Variants in CTNNBIP1 observed in about 807,000 individuals in gnomAD.
CTNNBIP1 encodes the protein beta-catenin-interacting protein 1.
Under a neutral mutation model 11.8 loss-of-function variants are expected in CTNNBIP1, and 7 were observed. The observed-to-expected ratio is 0.60, with a 90% CI of 0.34 to 1.12. The LOEUF (loss-of-function observed/expected upper bound fraction) is 1.12, where lower values mean the gene tolerates loss of function less well. Among genes scored for constraint, CTNNBIP1 ranks in the 50% most tolerant of loss-of-function variants. CTNNBIP1 has a pLI of 0.03. For missense variants in CTNNBIP1, 101 were observed against 113.4 expected (o/e 0.89, Z 0.50); for synonymous variants, 58 against 43.9 (o/e 1.32, Z -1.26).
At chr1:9,864,361 C>T (rs960550770) in intron 5 of CTNNBIP1, among the ~76,000 whole-genome samples, 4 of 152,230 alleles carry the variant, frequency 2.6e-5, no homozygotes, top group African/African-American at 9.6e-5. Flanking sequence ...CCGAGTCTCG[C>T]TCTGTCGCCC....
In CTNNBIP1 at chr1:9,871,866, C is replaced by T. The variant is rs1364788315; in HGVS notation, c.96+103G>A. 4.0e-6 allele frequency: 4 copies of T among 1,005,408 alleles called. No individual in the cohort carries two copies. The allele number at this position is 1,005,408 out of a possible 1,614,324, so 62.3% of individuals were successfully genotyped here. ...GGCCCCTCCTCAGCCCGTGGCTCCG[C>T]AGGAGGCAGCCGCAGTGGCTCCACC... On this transcript the variant is annotated intron_variant, in intron 4 of 5. Coordinates refer to ENST00000377263, the MANE Select transcript of CTNNBIP1 (RefSeq NM_020248.3). This position sits in a 1 kb window ranked among gnomAD's most constrained non-coding sequence, Gnocchi z 5.2.
At chr1:9,881,322 C>A (rs913949462) in intron 2 of CTNNBIP1, among the ~76,000 whole-genome samples, 1 of 144,566 alleles carries the variant, frequency 6.9e-6, no homozygotes, top group African/African-American at 2.6e-5. Flanking sequence ...CCACACCCAG[C>A]CTTGAAATTT....
chr1:9,877,055 C>A (rs61785592), intron 3 of CTNNBIP1, among the ~76,000 whole-genome samples: 6,387 of 152,290 alleles, frequency 0.042, 467 homozygotes, highest in African/African-American at 0.14. Context: ...CTGTAAGAGG[C>A]ACGCTCAGAT....
chr1:9,879,692 C>A lies in CTNNBIP1; in HGVS notation c.-109-1703G>T, dbSNP rs938470527. On this transcript the variant is annotated intron_variant, in intron 2 of 5. Transcript: ENST00000377263. ...TTCCACCCAAGTCCCCACATTCTTT[C>A]AAAAAGAGATGAAAAGAGTGAAAAG... 2.0e-4 allele frequency among the ~76,000 whole-genome samples: 31 copies of A among 152,156 alleles called. 1 individual carries two copies. The highest frequency in any genetic ancestry group is 7.0e-4 in the African/African-American group (29 of 41,422).
intron 3 of CTNNBIP1, among the ~76,000 whole-genome samples, chr1:9,876,525 G>A (rs1046730582): frequency 1.2e-4 from 19 of 152,326 alleles, no homozygotes; most frequent in Non-Finnish European, 1.5e-4. Flanking sequence ...ACCGAGGCAG[G>A]AGAATCGCTT....
At chr1:9,850,909 T>TC in intron 5 of CTNNBIP1, 133 bp from the exon 6 acceptor site, 2 of 810,530 alleles carry the variant, frequency 2.5e-6, no homozygotes, top group Non-Finnish European at 4.3e-6. Flanking sequence ...ACAAAGTACT[T>TC]CCGAGGAAGT....
At chr1:9,854,472 A>C (rs1638461673) in intron 5 of CTNNBIP1, among the ~76,000 whole-genome samples, 1 of 152,100 alleles carries the variant, frequency 6.6e-6, no homozygotes, top group East Asian at 1.9e-4. Flanking sequence ...ATTTGTTGTG[A>C]AAACTCTCCC....
chr1:9,879,168 G>A (rs1295630400), intron 2 of CTNNBIP1, among the ~76,000 whole-genome samples: 1 of 151,618 alleles, frequency 6.6e-6, no homozygotes, highest in East Asian at 1.9e-4. Flanking sequence ...CTACACTCTA[G>A]CCTGGGGAAC....
At chr1:9,858,673 T>C (rs1488596869) in intron 5 of CTNNBIP1, among the ~76,000 whole-genome samples, 1 of 152,238 alleles carries the variant, frequency 6.6e-6, no homozygotes, top group Admixed American at 6.5e-5. Flanking sequence ...CAGAGCTCTA[T>C]ATTGAGCTGA....
At chr1:9,895,239 C>G (rs1418617600) in intron 1 of CTNNBIP1, among the ~76,000 whole-genome samples, 1 of 150,556 alleles carries the variant, frequency 6.6e-6, no homozygotes, top group Non-Finnish European at 1.5e-5. Context: ...TACTCTGTCA[C>G]CCACGCTGGA....
At chr1:9,853,216 T>C (rs1236431790) in intron 5 of CTNNBIP1, among the ~76,000 whole-genome samples, 1 of 152,182 alleles carries the variant, frequency 6.6e-6, no homozygotes, top group African/African-American at 2.4e-5. Flanking sequence ...AAGGATATTA[T>C]CCAGGCTTTA....
rs775421941 is a variant in CTNNBIP1 at position 9,871,234 on chromosome 1, AC to A, written c.139del (p.Val47TrpfsTer22). On this transcript the variant is annotated frameshift_variant, in exon 5 of 6. Transcript: ENST00000377263. LOFTEE classifies it high-confidence loss of function. This position sits in a 1 kb window ranked among gnomAD's most constrained non-coding sequence, Gnocchi z 5.2. ...EEEFLRTYAGVVNSQLSQLPP... is the reference protein window; with the variant it reads ...EEEFLRTYAGXVNSQLSQLPP... ...CAGCTGGCTGAGCTGGCTGTTGACCACCCCTGCATAGGTGCGCAGGAACTCC... is the reference window on the plus strand; with the variant it reads ...CAGCTGGCTGAGCTGGCTGTTGACCACCCTGCATAGGTGCGCAGGAACTCC... 1.3e-6 allele frequency: 2 copies of A among 1,581,318 alleles called. No homozygotes were observed. The highest frequency in any genetic ancestry group is 1.7e-6 in the Non-Finnish European group (2 of 1,164,638).
chr1:9,873,055 C>A (rs113695189), intron 3 of CTNNBIP1, among the ~76,000 whole-genome samples: 1 of 152,168 alleles, frequency 6.6e-6, no homozygotes, highest in Admixed American at 6.5e-5. Flanking sequence ...CCTGGACCAG[C>A]GGGCTTTCCC....
At chr1:9,861,444 G>C (rs1235412246) in intron 5 of CTNNBIP1, among the ~76,000 whole-genome samples, 1 of 152,212 alleles carries the variant, frequency 6.6e-6, no homozygotes, top group Non-Finnish European at 1.5e-5. Context: ...ATGCTCCAGA[G>C]TCCCCAGGGG....
intron 1 of CTNNBIP1, among the ~76,000 whole-genome samples, chr1:9,905,690 A>G (rs1045405199): frequency 6.7e-6 from 1 of 149,754 alleles, no homozygotes; most frequent in Admixed American, 6.7e-5. Context: ...TCGGCCTCCC[A>G]AAGTGCTGGG....
At chr1:9,885,936 G>GA (rs775586815) in intron 1 of CTNNBIP1, among the ~76,000 whole-genome samples, 4,920 of 121,172 alleles carry the variant, frequency 0.041, 266 homozygotes, top group African/African-American at 0.13. Flanking sequence ...CCATCTTGAG[G>GA]AAAAAAAAAA....
intron 1 of CTNNBIP1, among the ~76,000 whole-genome samples, chr1:9,884,143 C>T (rs1450030078): frequency 5.3e-5 from 8 of 152,062 alleles, no homozygotes; most frequent in Admixed American, 4.6e-4. Flanking sequence ...AGGGACCCAA[C>T]AGCTGCTGGG....
rs1273072507 is a variant in CTNNBIP1 at position 9,871,195 on chromosome 1, A to G, written c.179T>C (p.Ile60Thr). The change falls in exon 5 of 6, where the codon ATC (isoleucine) becomes ACC (threonine). Residue 60 changes from isoleucine to threonine, a missense_variant. By Grantham distance (89) the Ile-to-Thr change is moderately conservative (BLOSUM62 -1). Transcript: ENST00000377263. The surrounding 1 kb of genome is among the most constrained non-coding windows in gnomAD (Gnocchi z 5.2). ...SQLSQLPPHS[I>T]DQGAEDVVMA... is the part of the protein sequence containing the mutation. ...CTCTGCCGCCAACTCACCCTGGTCG[A>G]TGGAGTGCGGAGGCAGCTGGCTGAG... 1.3e-6 allele frequency: 2 copies of G among 1,573,380 alleles called. No homozygotes were observed. Among genetic ancestry groups the G allele is most frequent in the Non-Finnish European group, 1.7e-6 (2 of 1,160,138 alleles).
At chr1:9,857,151 C>A (rs1460574900) in intron 5 of CTNNBIP1, among the ~76,000 whole-genome samples, 2 of 149,684 alleles carry the variant, frequency 1.3e-5, no homozygotes, top group African/African-American at 4.9e-5. Context: ...ACAAAAAAAA[C>A]CCTCAATAAT....
Sources: allele counts gnomAD v4.1 joint callset (sites outside exome capture counted in the v4.1 genomes callset), GRCh38; gene constraint gnomAD v4.1.1; non-coding constraint Gnocchi (gnomAD v3.1); transcripts MANE v1.5; gene names NCBI Gene and HGNC (gene_info 2026-07-23, HGNC 2026-07-21).